The following MAP3K19 variants were observed in gnomAD, a reference collection of about 807,000 sequenced individuals.
MAP3K19 encodes the protein SPS1/STE20-related protein kinase YSK4.
In MAP3K19, 91 loss-of-function variants were observed where a neutral mutation model predicts 114.4. The ratio of observed to expected loss-of-function variants is 0.80; its 90% confidence interval spans 0.67 to 0.95. The LOEUF is 0.95. MAP3K19 is among the 40% of genes least tolerant of loss of function. The pLI, the probability that MAP3K19 is intolerant of heterozygous loss-of-function variation, is 0.00. For missense variants in MAP3K19, 1,471 were observed against 1,573.2 expected, an observed-to-expected ratio of 0.94 and a Z score of 1.10; for synonymous variants, 518 against 530.5, an observed-to-expected ratio of 0.98 and a Z score of 0.32.
At chr2:135,026,065 C>T (rs906772654) in intron 3 of MAP3K19, among the ~76,000 whole-genome samples, 2 of 152,168 alleles carry the variant, frequency 1.3e-5, no homozygotes, top group African/African-American at 4.8e-5. Context: ...ATGGACTTTT[C>T]TTCATCAAAG....
At position 135,024,752 on chromosome 2, in the gene MAP3K19, C is replaced by A. The variant is rs756877326; in HGVS notation, c.-94-11G>T. On this transcript the variant is annotated splice_polypyrimidine_tract_variant and intron_variant, in intron 3 of 12. Transcript: ENST00000392915. ...CAAAGTTTAGGATCTCTAGGAAGAA[C>A]AGAATCAACATTAAAGTTTATTTAG... The A allele has an allele frequency of 1.9e-5, 18 of 932,350 alleles. No homozygotes were observed. Among genetic ancestry groups the A allele is most frequent in the East Asian group, 1.5e-4 (6 of 40,726 alleles). The allele number at this position is 932,350 out of a possible 1,614,324, so 57.8% of individuals were successfully genotyped here. A position where few individuals can be genotyped will look rare whatever the true frequency, so the allele number is the denominator to read the frequency against.
Position 135,044,225 on chromosome 2 carries a change from T to A in MAP3K19, c.-424+2960A>T, listed in dbSNP as rs912748453. ...TGTATTATTATCCCTATTCTATAGATGAGGAAAATGAAGCACAGACATTGG... is the reference window on the plus strand; with the variant it reads ...TGTATTATTATCCCTATTCTATAGAAGAGGAAAATGAAGCACAGACATTGG... On this transcript the variant is annotated intron_variant, in intron 1 of 12. Transcript: ENST00000392915. Among the ~76,000 whole-genome samples the A allele has an allele frequency of 2.8e-4, 43 of 152,272 alleles. 1 individual carries two copies. The highest frequency in any genetic ancestry group is 1.0e-3 in the African/African-American group (43 of 41,548).
chr2:134,988,381 G>A, intron 9 of MAP3K19, 128 bp from the exon 10 acceptor site: 1 of 776,182 alleles, frequency 1.3e-6, no homozygotes. Context: ...AAGCTATCCT[G>A]GAAATCACAA....
intron 12 of MAP3K19, among the ~76,000 whole-genome samples, chr2:134,968,456 C>T (rs1265136155): frequency 1.3e-5 from 2 of 149,006 alleles, no homozygotes; most frequent in East Asian, 2.0e-4. Flanking sequence ...GCGCCCCTCA[C>T]CTCCCGGATG....
intron 4 of MAP3K19, chr2:135,023,367 G>T (rs533953055): frequency 2.2e-5 from 11 of 502,690 alleles, no homozygotes; most frequent in Non-Finnish European, 4.5e-5. Flanking sequence ...TCAGCCCTCT[G>T]CAATTTTCTC....
Position 134,999,968 on chromosome 2 carries a change from C to G in MAP3K19, c.283G>C (p.Glu95Gln). ...TFPRDVSPPQ[E>Q]MSQEDLKEKN... ...TCTTTTAAGTCTTCTTGGCTCATTT[C>G]TTGGGGAGGACTGACATCTCTTGGA... is the stretch of plus-strand genomic sequence containing the variant. The change falls in exon 7 of 13, where the codon GAA (glutamate) becomes CAA (glutamine). Residue 95 changes from glutamate (E) to glutamine (Q), a missense_variant. By Grantham distance (29) the Glu-to-Gln change is conservative. Coordinates refer to ENST00000392915, the MANE Select transcript of MAP3K19 (RefSeq NM_025052.5). The surrounding 1 kb of genome is among the most constrained non-coding windows in gnomAD (Gnocchi z 4.1). 6.2e-7 allele frequency: 1 copy of G among 1,611,796 alleles called. No homozygotes were observed. Among genetic ancestry groups the G allele is most frequent in the South Asian group, 1.1e-5 (1 of 91,018 alleles).
At chr2:134,969,026 C>T (rs907265815) in intron 12 of MAP3K19, among the ~76,000 whole-genome samples, 5 of 152,142 alleles carry the variant, frequency 3.3e-5, no homozygotes, top group South Asian at 4.1e-4. Flanking sequence ...TGTAGCGAAC[C>T]GGGATCACGC....
Position 134,987,243 on chromosome 2 carries a change from CTTGGTCT to C in MAP3K19, c.1622_1628del (p.Lys541ArgfsTer11), listed in dbSNP as rs1430819465. 1.9e-6 allele frequency: 3 copies of C among 1,614,004 alleles called. No individual in the cohort carries two copies. Among genetic ancestry groups the C allele is most frequent in the Non-Finnish European group, 2.5e-6 (3 of 1,180,026 alleles). On this transcript the variant is annotated frameshift_variant, in exon 10 of 13. Transcript: ENST00000392915. LOFTEE classifies it high-confidence loss of function. ...AATTCTGAGGTGTCTTCTTACTTGTCTTGGTCTTTGAATCCAACTTACTCCTATGGGA... is the reference window on the plus strand; with the variant it reads ...AATTCTGAGGTGTCTTCTTACTTGTCTTGAATCCAACTTACTCCTATGGGA...
rs184737710 is a variant in MAP3K19 at position 135,042,293 on chromosome 2, G to A, written c.-423-1791C>T. 6.2e-3 allele frequency among the ~76,000 whole-genome samples: 936 copies of A among 152,158 alleles called. 1 individual carries two copies. The highest frequency in any genetic ancestry group is 9.3e-3 in the Non-Finnish European group (632 of 67,994). ...CGAGGCGGGCGGATCACGAGGTCAG[G>A]AGATTGAGACCATTCTGGCTAACAC... On this transcript the variant is annotated intron_variant, in intron 1 of 12. Coordinates refer to ENST00000392915, the MANE Select transcript of MAP3K19 (RefSeq NM_025052.5).
chr2:134,996,161 G>C (rs542541917), intron 8 of MAP3K19, among the ~76,000 whole-genome samples: 133 of 151,858 alleles, frequency 8.8e-4, no homozygotes, highest in African/African-American at 3.1e-3. Context: ...GTCTGCCTAT[G>C]TTGCCCAGGC....
At chr2:135,026,368 A>C (rs560535352) in intron 3 of MAP3K19, among the ~76,000 whole-genome samples, 9 of 152,340 alleles carry the variant, frequency 5.9e-5, no homozygotes, top group African/African-American at 2.2e-4. Context: ...CTCCACTTTT[A>C]TCAATTGGCC....
intron 9 of MAP3K19, among the ~76,000 whole-genome samples, chr2:134,990,685 C>T (rs1204624804): frequency 6.6e-6 from 1 of 152,032 alleles, no homozygotes; most frequent in East Asian, 1.9e-4. Flanking sequence ...CCATGTTGGC[C>T]AGGATGGTTT....
rs145535786 is a variant in MAP3K19 at position 134,999,584 on chromosome 2, C to T, written c.314+353G>A. Among the ~76,000 whole-genome samples the T allele has an allele frequency of 6.6e-6, 1 of 152,210 alleles. No homozygotes were observed. Among genetic ancestry groups the T allele is most frequent in the African/African-American group, 2.4e-5 (1 of 41,454 alleles). On this transcript the variant is annotated intron_variant, in intron 7 of 12. Transcript: ENST00000392915. This position sits in a 1 kb window ranked among gnomAD's most constrained non-coding sequence, Gnocchi z 4.1. ...TGGACTAGTAACAGGACCACAGAAC[C>T]ACATTCTAAGTAGCTCTGCCCTGCA... is the stretch of plus-strand genomic sequence containing the variant.
intron 2 of MAP3K19, among the ~76,000 whole-genome samples, chr2:135,036,452 C>G (rs1019847761): frequency 4.6e-5 from 7 of 152,090 alleles, no homozygotes; most frequent in Non-Finnish European, 1.0e-4. Flanking sequence ...GATAATGATG[C>G]CTTAATTTAA....
chr2:135,003,963 G>C (rs1686632751), intron 6 of MAP3K19, among the ~76,000 whole-genome samples: 1 of 152,200 alleles, frequency 6.6e-6, no homozygotes, highest in South Asian at 2.1e-4. Flanking sequence ...CTCAACTGAA[G>C]TCTCTATCAA....
At chr2:134,984,963 A>G (rs909074180) in intron 10 of MAP3K19, among the ~76,000 whole-genome samples, 1 of 152,208 alleles carries the variant, frequency 6.6e-6, no homozygotes, top group African/African-American at 2.4e-5. Flanking sequence ...AAAAAAAATT[A>G]TTCCTGATCC....
intron 5 of MAP3K19, among the ~76,000 whole-genome samples, chr2:135,011,929 G>A (rs1271550493): frequency 1.3e-5 from 2 of 152,198 alleles, no homozygotes; most frequent in Admixed American, 6.5e-5. Flanking sequence ...TTATTTCAAT[G>A]TATTAATATG....
chr2:134,987,354 T>C lies in MAP3K19; in HGVS notation c.1518A>G (p.Gln506=). Residue 506 remains glutamine, a synonymous_variant, in exon 10 of 13, where the codon CAA becomes CAG. Transcript: ENST00000392915. ...TGTTATGAATGGTTCCCTTTCTTGT[T>C]TGGAGGCTTGGTTTGGCTATCACTG... ...KEPVIAKPSL[Q]TRKGTIHNNH... The C allele has an allele frequency of 1.2e-6, 2 of 1,614,206 alleles. No individual in the cohort carries two copies. Among genetic ancestry groups the C allele is most frequent in the Non-Finnish European group, 1.7e-6 (2 of 1,180,038 alleles).
At chr2:135,011,536 CAAAAA>C (rs61361416) in intron 5 of MAP3K19, among the ~76,000 whole-genome samples, 1 of 79,246 alleles carries the variant, frequency 1.3e-5, no homozygotes, top group African/African-American at 4.3e-5. Context: ...GACTCTGTCT[CAAAAA>C]AAAAAAAAAA....
Sources: gnomAD v4.1 joint callset for allele counts (sites outside exome capture counted in the v4.1 genomes callset) on GRCh38, gnomAD v4.1.1 for gene constraint, Gnocchi (gnomAD v3.1) non-coding constraint, MANE v1.5 for transcripts, NCBI Gene and HGNC (gene_info 2026-07-23, HGNC 2026-07-21) for gene names.